Variants in CREB5 observed in about 807,000 individuals in gnomAD.
CREB5 encodes cyclic AMP-responsive element-binding protein 5.
CREB5 carries 19 observed loss-of-function variants against 57.1 expected under a neutral mutation model. The observed-to-expected ratio is 0.33, with a 90% CI of 0.23 to 0.49. The LOEUF (loss-of-function observed/expected upper bound fraction) is 0.49, where lower values mean the gene tolerates loss of function less well. Ranked by LOEUF, CREB5 falls within the 20% of genes least tolerant of loss-of-function variation. The pLI is 0.99. For synonymous variants in CREB5, 238 were observed against 238.3 expected (o/e 1.00, Z 0.01); for missense variants, 579 against 671.6 (o/e 0.86, Z 1.52).
chr7:28,654,820 A>G (rs1799273402), intron 5 of CREB5, among the ~76,000 whole-genome samples: 1 of 152,230 alleles, frequency 6.6e-6, no homozygotes. Context: ...AGCCAGGCAT[A>G]GGAATGATAA....
At chr7:28,672,529 T>C (rs1320145885) in intron 5 of CREB5, among the ~76,000 whole-genome samples, 1 of 152,176 alleles carries the variant, frequency 6.6e-6, no homozygotes, top group Non-Finnish European at 1.5e-5. Flanking sequence ...TAAAATAGGC[T>C]CTGATAAACT....
chr7:28,783,041 C>T (rs1807080561), intron 7 of CREB5, among the ~76,000 whole-genome samples: 1 of 152,154 alleles, frequency 6.6e-6, no homozygotes, highest in Admixed American at 6.5e-5. Flanking sequence ...ACCTTTGCTT[C>T]CACATAATTG....
chr7:28,457,789 T>C (rs1790173368), intron 1 of CREB5, among the ~76,000 whole-genome samples: 1 of 152,110 alleles, frequency 6.6e-6, no homozygotes. Flanking sequence ...GTCCCTGACT[T>C]AGGACAGAAT....
At chr7:28,393,802 C>G (rs529197645) in intron 1 of CREB5, among the ~76,000 whole-genome samples, 15 of 151,828 alleles carry the variant, frequency 9.9e-5, no homozygotes, top group Admixed American at 7.9e-4. Flanking sequence ...GGACTGGGCG[C>G]GGTGGCTCAC....
chr7:28,412,682 C>A lies in CREB5; in HGVS notation c.-233C>A, dbSNP rs567724100. ...GAAACTTAGAGAACGAGGGAGGTACCAGAGTCTAGGAGGTACCTCTGGGTT... is the reference window on the plus strand; with the variant it reads ...GAAACTTAGAGAACGAGGGAGGTACAAGAGTCTAGGAGGTACCTCTGGGTT... On this transcript the variant is annotated 5_prime_UTR_variant, in exon 1 of 11. Coordinates refer to ENST00000357727, the MANE Select transcript of CREB5 (RefSeq NM_182898.4). 13 of 384,840 alleles carry A rather than the reference C, an allele frequency of 3.4e-5. No homozygotes were observed. The Admixed American group carries it at 4.9e-4, about 15-fold the overall frequency. 23.8% of individuals were successfully genotyped at this position (384,840 alleles called of 1,614,324 possible). A position where few individuals can be genotyped will look rare whatever the true frequency, so the allele number is the denominator to read the frequency against.
intron 5 of CREB5, among the ~76,000 whole-genome samples, chr7:28,585,342 C>T (rs1415151966): frequency 6.6e-6 from 1 of 152,156 alleles, no homozygotes; most frequent in African/African-American, 2.4e-5. Context: ...CAGGGACTTA[C>T]CTGGGGAAGG....
At chr7:28,322,010 A>C (rs1265906933) in intron 1 of CREB5, among the ~76,000 whole-genome samples, 1 of 152,232 alleles carries the variant, frequency 6.6e-6, no homozygotes, top group African/African-American at 2.4e-5. Context: ...TGAGACGAAC[A>C]CAAATTAGGT....
rs1809891660 is a variant in CREB5, at chr7:28,823,394, G to T, written c.*4115G>T. On this transcript the variant is annotated 3_prime_UTR_variant, in exon 11 of 11. Coordinates refer to ENST00000357727, the MANE Select transcript of CREB5 (RefSeq NM_182898.4). The stretch of plus-strand genomic sequence containing the variant: ...ATTCCATTTGAACAGTATTCTGTAG[G>T]ATCTACTTGTTTTTAAAGTGTTAGT... 1.3e-5 allele frequency: 2 copies of T among 152,416 alleles called. No homozygotes were observed. Among genetic ancestry groups the T allele is most frequent in the African/African-American group, 4.8e-5 (2 of 41,392 alleles). 9.4% of individuals were successfully genotyped at this position (152,416 alleles called of 1,614,324 possible).
intron 2 of CREB5, among the ~76,000 whole-genome samples, chr7:28,492,041 C>G (rs1339236924): frequency 2.6e-5 from 4 of 152,080 alleles, no homozygotes; most frequent in African/African-American, 7.2e-5. Flanking sequence ...CTCTTGTCGC[C>G]CAGGCTGGAG....
chr7:28,449,855 A>G (rs1351453994), intron 1 of CREB5, among the ~76,000 whole-genome samples: 2 of 152,178 alleles, frequency 1.3e-5, no homozygotes, highest in Admixed American at 1.3e-4. Flanking sequence ...TCTCTCCTAA[A>G]AAGGTTTCTG....
intron 1 of CREB5, among the ~76,000 whole-genome samples, chr7:28,353,932 G>A (rs145555448): frequency 6.6e-6 from 1 of 152,046 alleles, no homozygotes; most frequent in Non-Finnish European, 1.5e-5. Context: ...GTGATGAAGT[G>A]GACACACAAA....
chr7:28,670,994 G>C (rs1800015347), intron 5 of CREB5, among the ~76,000 whole-genome samples: 1 of 152,116 alleles, frequency 6.6e-6, no homozygotes, highest in African/African-American at 2.4e-5. Context: ...AACTGTGGCG[G>C]AGAGTGGTGA....
At chr7:28,570,832 T>C (rs1345316650) in intron 5 of CREB5, among the ~76,000 whole-genome samples, 1 of 152,088 alleles carries the variant, frequency 6.6e-6, no homozygotes, top group Non-Finnish European at 1.5e-5. Flanking sequence ...CCCATGGTTG[T>C]TATGGAGACC....
chr7:28,463,938 G>A (rs574847213), intron 1 of CREB5, among the ~76,000 whole-genome samples: 72 of 152,170 alleles, frequency 4.7e-4, no homozygotes, highest in African/African-American at 1.7e-3. Context: ...TAATTGCCAT[G>A]GCTAAAACCT....
chr7:28,595,992 G>A lies in CREB5; in HGVS notation c.464+25455G>A, dbSNP rs1174799570. 2.6e-5 allele frequency among the ~76,000 whole-genome samples: 4 copies of A among 152,178 alleles called. No individual in the cohort carries two copies. The East Asian group carries it at 7.7e-4, about 29-fold the overall frequency. On this transcript the variant is annotated intron_variant, in intron 5 of 10. Transcript: ENST00000357727. The stretch of plus-strand genomic sequence containing the variant: ...TCTCACTTTCATCGTGCTTACCATA[G>A]CACTCTAGGCCGAGACCTCCTAAAT...
chr7:28,731,414 T>G (rs1280994837), intron 7 of CREB5, among the ~76,000 whole-genome samples: 1 of 152,226 alleles, frequency 6.6e-6, no homozygotes, highest in Non-Finnish European at 1.5e-5. Context: ...AGAATATACA[T>G]TCGATTATGT....
intron 7 of CREB5, among the ~76,000 whole-genome samples, chr7:28,764,240 T>C (rs992153224): frequency 3.3e-5 from 5 of 152,112 alleles, no homozygotes; most frequent in Non-Finnish European, 7.4e-5. Context: ...TAATGTTCTC[T>C]TATTATTTTT....
intron 1 of CREB5, among the ~76,000 whole-genome samples, chr7:28,364,050 A>G (rs571312223): frequency 1.3e-5 from 2 of 152,336 alleles, no homozygotes; most frequent in South Asian, 4.1e-4. Flanking sequence ...GTTGAAATGG[A>G]TAAGTAAACA....
intron 7 of CREB5, among the ~76,000 whole-genome samples, chr7:28,768,522 A>T (rs1424964345): frequency 6.6e-6 from 1 of 152,202 alleles, no homozygotes; most frequent in African/African-American, 2.4e-5. Flanking sequence ...GTTTCAGGAA[A>T]ACAGATCTTA....
Sources: gnomAD v4.1 joint callset for allele counts (sites outside exome capture counted in the v4.1 genomes callset) on GRCh38, gnomAD v4.1.1 for gene constraint, MANE v1.5 for transcripts, NCBI Gene and HGNC (gene_info 2026-07-23, HGNC 2026-07-21) for gene names.